Variants in NALCN observed in about 807,000 individuals in gnomAD.
NALCN encodes sodium leak channel NALCN.
A neutral mutation model predicts 225.3 loss-of-function variants in NALCN; 111 were observed. That is an observed-to-expected ratio of 0.49 (90% CI 0.42 to 0.58). The LOEUF (loss-of-function observed/expected upper bound fraction) is 0.58. NALCN is among the 20% of genes least tolerant of loss of function. The pLI, the probability that NALCN is intolerant of heterozygous loss-of-function variation, is 0.00. For synonymous variants in NALCN, 764 were observed against 769.0 expected (o/e 0.99, Z 0.11); for missense variants, 1,378 against 2,202.4 (o/e 0.63, Z 7.49).
At chr13:101,233,693 A>C (rs1445456610) in intron 12 of NALCN, among the ~76,000 whole-genome samples, 2 of 152,092 alleles carry the variant, frequency 1.3e-5, no homozygotes, top group Non-Finnish European at 2.9e-5. Flanking sequence ...GGGCAAGTCA[A>C]CAGATTTCTT....
At chr13:101,414,968 C>T (rs1054355117) in intron 1 of NALCN, among the ~76,000 whole-genome samples, 1 of 147,364 alleles carries the variant, frequency 6.8e-6, no homozygotes, top group African/African-American at 2.7e-5. Context: ...TACAGAAGAA[C>T]GAAAAATCGA....
chr13:101,153,223 G>A (rs1489299596), intron 15 of NALCN, among the ~76,000 whole-genome samples: 1 of 152,140 alleles, frequency 6.6e-6, no homozygotes, highest in East Asian at 1.9e-4. Context: ...TCATATAAAT[G>A]CCAGACGTGT....
chr13:101,164,329 T>A (rs971652576), intron 15 of NALCN, among the ~76,000 whole-genome samples: 21 of 152,166 alleles, frequency 1.4e-4, no homozygotes, highest in Admixed American at 1.2e-3. Flanking sequence ...TCTTTCTCTG[T>A]TGCCCAGGCT....
intron 10 of NALCN, among the ~76,000 whole-genome samples, 162 bp from the exon 11 acceptor site, chr13:101,258,736 G>A (rs1404422335): frequency 6.6e-6 from 1 of 152,190 alleles, no homozygotes; most frequent in Non-Finnish European, 1.5e-5. Context: ...AACTGGGCAG[G>A]CAAGGGAACC....
rs868708280 is a variant in NALCN at position 101,286,897 on chromosome 13, A to C, written c.1048-2878T>G. 3.9e-4 allele frequency among the ~76,000 whole-genome samples: 58 copies of C among 149,668 alleles called. 1 individual carries two copies. The highest frequency in any genetic ancestry group is 1.3e-3 in the African/African-American group (53 of 40,366). On this transcript the variant is annotated intron_variant, in intron 9 of 43. Transcript: ENST00000251127. Reference sequence around the variant, plus strand: ...CACACACACACACACACACACACACACCTGCATCCCACAGACAAACATAGG... The same window carrying C: ...CACACACACACACACACACACACACCCCTGCATCCCACAGACAAACATAGG...
At chr13:101,134,755 C>T (rs1249863338) in intron 17 of NALCN, among the ~76,000 whole-genome samples, 1 of 152,126 alleles carries the variant, frequency 6.6e-6, no homozygotes, top group Non-Finnish European at 1.5e-5. Context: ...GTTTCGGCCA[C>T]TAACACAGTA....
chr13:101,314,391 C>T (rs530473253), intron 7 of NALCN, among the ~76,000 whole-genome samples: 93 of 152,134 alleles, frequency 6.1e-4, no homozygotes, highest in Middle Eastern at 6.8e-3. Flanking sequence ...ATCAGAGACA[C>T]GGAAAACAAA....
chr13:101,412,632 G>A (rs114571035), intron 1 of NALCN, among the ~76,000 whole-genome samples: 6 of 152,096 alleles, frequency 3.9e-5, no homozygotes, highest in African/African-American at 7.3e-5. Context: ...TCTCTCTTCC[G>A]TATTTTTTGT....
At chr13:101,144,011 C>A (rs2037220554) in intron 16 of NALCN, among the ~76,000 whole-genome samples, 1 of 152,266 alleles carries the variant, frequency 6.6e-6, no homozygotes. Flanking sequence ...AAATATATTT[C>A]TACCCGAATT....
chr13:101,147,644 T>A (rs920749817), intron 15 of NALCN, among the ~76,000 whole-genome samples: 1 of 152,170 alleles, frequency 6.6e-6, no homozygotes, highest in Non-Finnish European at 1.5e-5. Context: ...GCTCAAGGGA[T>A]CCTCTTGCCT....
At chr13:101,181,760 CA>C (rs2139964649) in intron 14 of NALCN, among the ~76,000 whole-genome samples, 1 of 151,622 alleles carries the variant, frequency 6.6e-6, no homozygotes, top group Admixed American at 6.6e-5. Context: ...TAAAAACAAA[CA>C]AAACAAAAAA....
chr13:101,267,118 T>C (rs573796579), intron 10 of NALCN, among the ~76,000 whole-genome samples: 1 of 152,182 alleles, frequency 6.6e-6, no homozygotes, highest in Non-Finnish European at 1.5e-5. Context: ...GCTCTCTTTA[T>C]TGGAATGGAG....
chr13:101,400,547 G>GTT (rs2047438526), intron 1 of NALCN, among the ~76,000 whole-genome samples: 1 of 60,232 alleles, frequency 1.7e-5, no homozygotes, highest in South Asian at 6.0e-4. Context: ...TGTTTGCAGT[G>GTT]TGTGTGTGTG....
chr13:101,090,587 C>T (rs995695455), intron 28 of NALCN, among the ~76,000 whole-genome samples: 4 of 152,038 alleles, frequency 2.6e-5, no homozygotes, highest in Non-Finnish European at 4.4e-5. Flanking sequence ...TTACTCTCTT[C>T]CAGTTGGATT....
rs1225786816 is a variant in NALCN, at chr13:101,249,148, C to T, written c.1266+9295G>A. 3.9e-5 allele frequency among the ~76,000 whole-genome samples: 6 copies of T among 152,248 alleles called. No individual in the cohort carries two copies. In the East Asian group the frequency reaches 1.2e-3, roughly 29 times the overall value. On this transcript the variant is annotated intron_variant, in intron 11 of 43. Coordinates refer to ENST00000251127, the MANE Select transcript of NALCN (RefSeq NM_052867.4). ...AATATTGGCAGCAAAAAGGATTATACATTCAGTTTCAATAGAGATTATAAA... is the reference window on the plus strand; with the variant it reads ...AATATTGGCAGCAAAAAGGATTATATATTCAGTTTCAATAGAGATTATAAA...
At chr13:101,219,882 C>T (rs569146330) in intron 13 of NALCN, among the ~76,000 whole-genome samples, 1 of 152,146 alleles carries the variant, frequency 6.6e-6, no homozygotes, top group Admixed American at 6.6e-5. Flanking sequence ...GCTCTCCAAG[C>T]TTCAAAGTCT....
chr13:101,131,576 C>G (rs565069459), intron 17 of NALCN, among the ~76,000 whole-genome samples: 1 of 152,220 alleles, frequency 6.6e-6, no homozygotes, highest in African/African-American at 2.4e-5. Context: ...TGTTCCTGGC[C>G]TGTTCAATTT....
Position 101,089,637 on chromosome 13 carries a change from G to A in NALCN, c.3489+26C>T, listed in dbSNP as rs746296765. ...GAGTGGCTAGAAAAGGCTAAACCCT[G>A]TGGTATCCAAACCAAAAATCCTTAC... On this transcript the variant is annotated intron_variant, in intron 30 of 43. Transcript: ENST00000251127. This position sits in a 1 kb window ranked among gnomAD's most constrained non-coding sequence, Gnocchi z 4.7. 1 of 1,603,578 alleles carries A rather than the reference G, an allele frequency of 6.2e-7. No homozygotes were observed. The highest frequency in any genetic ancestry group is 8.5e-7 in the Non-Finnish European group (1 of 1,172,074).
chr13:101,382,795 T>C (rs1453149921), intron 3 of NALCN, among the ~76,000 whole-genome samples: 1 of 152,194 alleles, frequency 6.6e-6, no homozygotes, highest in Non-Finnish European at 1.5e-5. Context: ...TTAATTGTTT[T>C]GTTTGGAATG....
Sources: allele counts gnomAD v4.1 joint callset (sites outside exome capture counted in the v4.1 genomes callset), GRCh38; gene constraint gnomAD v4.1.1; non-coding constraint Gnocchi (gnomAD v3.1); transcripts MANE v1.5; gene names NCBI Gene and HGNC (gene_info 2026-07-23, HGNC 2026-07-21).